TRIM44: variants seen among roughly 807,000 people sequenced by gnomAD.
The protein encoded by TRIM44 is tripartite motif-containing protein 44.
In TRIM44, 13 loss-of-function variants were observed where a neutral mutation model predicts 37.4. The observed-to-expected ratio is 0.35, with a 90% CI of 0.23 to 0.55. The LOEUF (loss-of-function observed/expected upper bound fraction) is 0.55. TRIM44 is among the 20% of genes least tolerant of loss of function. TRIM44 has a pLI of 0.89. For synonymous variants in TRIM44, 175 were observed against 157.2 expected (o/e 1.11, Z -0.85); for missense variants, 426 against 437.2 (o/e 0.97, Z 0.23).
intron 2 of TRIM44, among the ~76,000 whole-genome samples, chr11:35,686,925 C>T (rs530632492): frequency 3.5e-4 from 53 of 152,268 alleles, no homozygotes; most frequent in Non-Finnish European, 6.3e-4. Context: ...AACTGAAATT[C>T]GGTACCCATT....
At chr11:35,735,365 A>T in intron 3 of TRIM44, 61 bp from the exon 4 acceptor site, 1 of 1,590,018 alleles carries the variant, frequency 6.3e-7, no homozygotes. Flanking sequence ...AAAGAAAGAA[A>T]TCTGACTCTG....
rs187587369 is a variant in TRIM44, at chr11:35,736,515, G to T, written c.1007+1070G>T. Among the ~76,000 whole-genome samples, 10 of 152,266 alleles carry T rather than the reference G, an allele frequency of 6.6e-5. No homozygotes were observed. The East Asian group carries it at 1.9e-3, about 29-fold the overall frequency. On this transcript the variant is annotated intron_variant, in intron 4 of 4. Coordinates refer to ENST00000299413, the MANE Select transcript of TRIM44 (RefSeq NM_017583.6). ...TGTTATTTTGTTTGTTTGTGTGTTTGCTTTTTACAAACTAGCAAAAACAGT... is the reference window on the plus strand; with the variant it reads ...TGTTATTTTGTTTGTTTGTGTGTTTTCTTTTTACAAACTAGCAAAAACAGT...
At chr11:35,725,080 A>G (rs902886776) in intron 2 of TRIM44, among the ~76,000 whole-genome samples, 5 of 151,606 alleles carry the variant, frequency 3.3e-5, no homozygotes, top group African/African-American at 9.7e-5. Flanking sequence ...ACACACACAC[A>G]CACACACACA....
intron 4 of TRIM44, among the ~76,000 whole-genome samples, chr11:35,792,072 T>TACACAACAC (rs147613844): frequency 1.4e-4 from 19 of 136,730 alleles, no homozygotes; most frequent in Non-Finnish European, 1.9e-4. Flanking sequence ...GAGTTGCCCC[T>TACACAACAC]ACACACACAC....
intron 1 of TRIM44, among the ~76,000 whole-genome samples, chr11:35,665,586 G>GTTTTTTTTTTTTT (rs35522287): frequency 7.0e-5 from 5 of 71,518 alleles, no homozygotes; most frequent in Non-Finnish European, 1.1e-4. Flanking sequence ...TTATATATCT[G>GTTTTTTTTTTTTT]TTTTTTTTTT....
At position 35,663,560 on chromosome 11, in the gene TRIM44, A is replaced by G. The variant is rs1189052410; in HGVS notation, c.449A>G (p.Glu150Gly). 1.2e-6 allele frequency: 2 copies of G among 1,613,578 alleles called. No homozygotes were observed. The highest frequency in any genetic ancestry group is 2.7e-5 in the African/African-American group (2 of 74,874). Reference protein sequence around the residue: ...EAEEDNQEEGESEAEGETEAE... With the variant: ...EAEEDNQEEGGSEAEGETEAE... ...GAAGAAGACAACCAAGAAGAAGGGG[A>G]ATCCGAGGCGGAGGGAGAAACTGAG... The change falls in exon 1 of 5, where the codon GAA (glutamate) becomes GGA (glycine). Residue 150 changes from glutamate to glycine, a missense_variant. By Grantham distance (98) the Glu-to-Gly change is moderately conservative. This residue lies in a region of TRIM44 where 331 missense variants were observed against 303.0 expected (regional missense o/e 1.09). Transcript: ENST00000299413.
At chr11:35,804,765 A>C (rs1171427187) in intron 4 of TRIM44, among the ~76,000 whole-genome samples, 1 of 152,186 alleles carries the variant, frequency 6.6e-6, no homozygotes, top group Non-Finnish European at 1.5e-5. Context: ...CCATGATTGT[A>C]TAACCAGCAG....
intron 3 of TRIM44, among the ~76,000 whole-genome samples, chr11:35,733,293 T>C (rs375309297): frequency 6.6e-6 from 1 of 152,176 alleles, no homozygotes; most frequent in Non-Finnish European, 1.5e-5. Context: ...CACCAAGGTA[T>C]GTGATTTTGA....
intron 2 of TRIM44, among the ~76,000 whole-genome samples, chr11:35,710,626 T>A (rs966005523): frequency 1.3e-5 from 2 of 152,202 alleles, no homozygotes; most frequent in Non-Finnish European, 2.9e-5. Context: ...TATGCAGATT[T>A]AAGTTGGTGC....
chr11:35,693,015 C>T (rs1489950047), intron 2 of TRIM44, among the ~76,000 whole-genome samples: 2 of 152,072 alleles, frequency 1.3e-5, no homozygotes, highest in Non-Finnish European at 2.9e-5. Flanking sequence ...GGCAGCCCCC[C>T]AGAATCACAG....
intron 1 of TRIM44, among the ~76,000 whole-genome samples, chr11:35,670,644 A>G (rs1256990602): frequency 6.6e-6 from 1 of 152,208 alleles, no homozygotes; most frequent in Non-Finnish European, 1.5e-5. Context: ...TTCTTAATTT[A>G]AGATACCGTG....
At chr11:35,752,902 T>C (rs1189188599) in intron 4 of TRIM44, among the ~76,000 whole-genome samples, 1 of 152,238 alleles carries the variant, frequency 6.6e-6, no homozygotes, top group East Asian at 1.9e-4. Flanking sequence ...CATGAAAGTG[T>C]ATTATATATT....
At chr11:35,713,990 C>G (rs1029623263) in intron 2 of TRIM44, among the ~76,000 whole-genome samples, 12 of 152,086 alleles carry the variant, frequency 7.9e-5, no homozygotes, top group Admixed American at 2.6e-4. Context: ...CTCCTTGACA[C>G]CTTGTGGCCA....
In TRIM44 at chr11:35,665,586, G is replaced by GTTTTTTTTTTTTTTTT. The variant is rs35522287; in HGVS notation, c.669+1817_669+1832dup. 2.8e-5 allele frequency among the ~76,000 whole-genome samples: 2 copies of GTTTTTTTTTTTTTTTT among 71,518 alleles called. 1 individual carries two copies. The highest frequency in any genetic ancestry group is 5.4e-5 in the Non-Finnish European group (2 of 37,066). 46.9% of individuals were successfully genotyped at this position (71,518 alleles called of 152,430 possible). A position where few individuals can be genotyped will look rare whatever the true frequency, so the allele number is the denominator to read the frequency against. On this transcript the variant is annotated intron_variant, in intron 1 of 4. Coordinates refer to ENST00000299413, the MANE Select transcript of TRIM44 (RefSeq NM_017583.6). ...TCATTATATGAGTTTTTATATATCTGTTTTTTTTTTTTTTTTTTTTTTTTT... is the reference window on the plus strand; with the variant it reads ...TCATTATATGAGTTTTTATATATCTGTTTTTTTTTTTTTTTTTTTTTTTTTTTTTTTTTTTTTTTTT...
At chr11:35,759,399 G>A (rs938646253) in intron 4 of TRIM44, among the ~76,000 whole-genome samples, 8 of 152,084 alleles carry the variant, frequency 5.3e-5, no homozygotes, top group African/African-American at 1.9e-4. Flanking sequence ...TTAGCCATTC[G>A]TCTAATTTTT....
At chr11:35,797,085 G>T (rs980934986) in intron 4 of TRIM44, among the ~76,000 whole-genome samples, 1 of 152,158 alleles carries the variant, frequency 6.6e-6, no homozygotes. Context: ...AAATAGCTAA[G>T]CCTGAAGGCT....
intron 4 of TRIM44, among the ~76,000 whole-genome samples, chr11:35,759,012 C>T (rs867875512): frequency 2.0e-5 from 3 of 152,112 alleles, no homozygotes; most frequent in Admixed American, 1.3e-4. Context: ...ATCTTTGTGG[C>T]ATTCTCTGTA....
intron 2 of TRIM44, among the ~76,000 whole-genome samples, chr11:35,693,537 T>G (rs2135495356): frequency 6.6e-6 from 1 of 152,252 alleles, no homozygotes; most frequent in African/African-American, 2.4e-5. Flanking sequence ...TATGTTTCTT[T>G]AAAGTCTTAG....
At chr11:35,682,716 G>A (rs1590502028) in intron 1 of TRIM44, among the ~76,000 whole-genome samples, 1 of 152,250 alleles carries the variant, frequency 6.6e-6, no homozygotes, top group East Asian at 1.9e-4. Context: ...AGGCGATGCT[G>A]CTGATGCTTT....
Sources: allele counts gnomAD v4.1 joint callset (sites outside exome capture counted in the v4.1 genomes callset), GRCh38; gene constraint gnomAD v4.1.1; regional missense constraint gnomAD v4.1.1; transcripts MANE v1.5; gene names NCBI Gene and HGNC (gene_info 2026-07-23, HGNC 2026-07-21).